The following XKR9 variants were observed in gnomAD, a reference collection of about 807,000 sequenced individuals.
The protein encoded by XKR9 is XK related 9.
In XKR9, 32 loss-of-function variants were observed where a neutral mutation model predicts 32.0. The observed-to-expected ratio is 1.00, with a 90% confidence interval of 0.76 to 1.34. The LOEUF (loss-of-function observed/expected upper bound fraction) is 1.34, where lower values mean the gene tolerates loss of function less well. Ranked by LOEUF, XKR9 falls within the 40% of genes most tolerant of loss-of-function variation. The pLI, the probability that XKR9 is intolerant of heterozygous loss-of-function variation, is 0.00. For missense variants in XKR9, 546 were observed against 429.7 expected (o/e 1.27, Z -2.39); for synonymous variants, 168 against 143.4 (o/e 1.17, Z -1.22).
the XKR9 span, among the ~76,000 whole-genome samples, chr8:70,927,835 A>G: frequency 1.3e-5 from 2 of 152,148 alleles, no homozygotes; most frequent in Non-Finnish European, 2.9e-5. Context: ...CTGATTGCCT[A>G]TGATGATGTT....
At chr8:71,051,288 T>A in the XKR9 span, among the ~76,000 whole-genome samples, 1 of 152,230 alleles carries the variant, frequency 6.6e-6, no homozygotes, top group East Asian at 1.9e-4. Flanking sequence ...GATATGTTTT[T>A]GTTTCATTAA....
At chr8:70,995,958 C>A in the XKR9 span, among the ~76,000 whole-genome samples, 1 of 152,148 alleles carries the variant, frequency 6.6e-6, no homozygotes, top group Admixed American at 6.5e-5. Context: ...AGTATACATC[C>A]ATGTTGTGTG....
chr8:70,710,704 AAAC>A (rs3085684), intron 4 of XKR9, among the ~76,000 whole-genome samples: 49,792 of 138,352 alleles, frequency 0.36, 9,310 homozygotes, highest in Non-Finnish European at 0.47. Flanking sequence ...ACTCCATCTC[AAAC>A]AACAACAACA....
chr8:71,028,680 T>C, the XKR9 span, among the ~76,000 whole-genome samples: 1 of 152,208 alleles, frequency 6.6e-6, no homozygotes, highest in Non-Finnish European at 1.5e-5. Context: ...TATTTAATCA[T>C]TTCATATTGT....
chr8:71,033,171 A>C, the XKR9 span, among the ~76,000 whole-genome samples: 8 of 152,300 alleles, frequency 5.3e-5, no homozygotes, highest in South Asian at 1.5e-3. Context: ...ACTCTCAGAA[A>C]TCCTTACAAA....
chr8:71,053,673 C>A, the XKR9 span, among the ~76,000 whole-genome samples: 3 of 152,272 alleles, frequency 2.0e-5, no homozygotes, highest in South Asian at 6.2e-4. Context: ...TTTAGCTTTC[C>A]TTGAAACCAG....
the XKR9 span, among the ~76,000 whole-genome samples, chr8:71,059,776 C>T: frequency 6.6e-6 from 1 of 152,154 alleles, no homozygotes; most frequent in Non-Finnish European, 1.5e-5. Context: ...TACCCTGTAC[C>T]CTTTTACCTG....
chr8:71,051,335 C>A, the XKR9 span, among the ~76,000 whole-genome samples: 3 of 152,240 alleles, frequency 2.0e-5, no homozygotes, highest in South Asian at 2.1e-4. Flanking sequence ...TCATCTGACT[C>A]CTTTCCATCA....
Position 70,733,850 on chromosome 8 carries a change from A to T in XKR9, c.548A>T (p.Gln183Leu), listed in dbSNP as rs1806757133. The change falls in exon 5 of 5, where the codon CAA becomes CTA. Residue 183 changes from glutamine (Q) to leucine (L), a missense_variant. Transcript: ENST00000408926. Reference sequence around the variant, plus strand: ...ATTTCTTGGTCAACTGTTGATTATCAAGTAGCTTTAAGAAAATCCTTGCCT... The same window carrying T: ...ATTTCTTGGTCAACTGTTGATTATCTAGTAGCTTTAAGAAAATCCTTGCCT... ...CAISWSTVDY[Q>L]VALRKSLPDK... The T allele has an allele frequency of 1.2e-6, 2 of 1,605,592 alleles. No homozygotes were observed. The highest frequency in any genetic ancestry group is 1.3e-5 in the African/African-American group (1 of 74,602).
chr8:70,758,416 C>T (rs1242134980), intron 2 of XKR9, among the ~76,000 whole-genome samples: 2 of 152,140 alleles, frequency 1.3e-5, no homozygotes, highest in African/African-American at 4.8e-5. Context: ...GTTCTTTGGA[C>T]AGAAAAGTTT....
At chr8:70,760,270 A>C (rs1401943052) in intron 2 of XKR9, among the ~76,000 whole-genome samples, 1 of 152,228 alleles carries the variant, frequency 6.6e-6, no homozygotes, top group African/African-American at 2.4e-5. Context: ...GCTACTGATA[A>C]GGGAATTGTA....
chr8:71,032,906 G>A, the XKR9 span, among the ~76,000 whole-genome samples: 7 of 152,182 alleles, frequency 4.6e-5, no homozygotes, highest in East Asian at 3.9e-4. Context: ...CCAACATGGC[G>A]AAACCCCGTC....
At chr8:70,723,865 C>T (rs1182387671) in intron 4 of XKR9, among the ~76,000 whole-genome samples, 1 of 150,666 alleles carries the variant, frequency 6.6e-6, no homozygotes, top group Non-Finnish European at 1.5e-5. Context: ...CCACTGCTCT[C>T]TTCAGAGCCA....
the XKR9 span, among the ~76,000 whole-genome samples, chr8:70,853,910 C>T: frequency 6.6e-6 from 1 of 152,144 alleles, no homozygotes; most frequent in Non-Finnish European, 1.5e-5. Flanking sequence ...GCCACATTTT[C>T]TTAATCCAGT....
At chr8:70,917,964 T>C in the XKR9 span, among the ~76,000 whole-genome samples, 1 of 152,336 alleles carries the variant, frequency 6.6e-6, no homozygotes, top group African/African-American at 2.4e-5. Flanking sequence ...TCATAAGTAC[T>C]CTTAAGTGTT....
chr8:71,051,528 G>GGT, the XKR9 span, among the ~76,000 whole-genome samples: 71 of 40,298 alleles, frequency 1.8e-3, 1 homozygote, highest in Middle Eastern at 0.016. Context: ...GTGGTGGTGG[G>GGT]GTGTGTGTGT....
At chr8:70,685,776 C>T (rs200336188) in intron 3 of XKR9, among the ~76,000 whole-genome samples, 1 of 142,688 alleles carries the variant, frequency 7.0e-6, no homozygotes. Context: ...GGAGATATAC[C>T]TAATGCTAAA....
the XKR9 span, among the ~76,000 whole-genome samples, chr8:70,936,558 T>C: frequency 6.6e-6 from 1 of 152,102 alleles, no homozygotes; most frequent in East Asian, 1.9e-4. Flanking sequence ...ACAGTGTAAT[T>C]GTCTACCTGT....
At chr8:70,894,016 G>T in the XKR9 span, among the ~76,000 whole-genome samples, 17 of 152,110 alleles carry the variant, frequency 1.1e-4, no homozygotes, top group South Asian at 3.3e-3. Context: ...GTTGGTTGTA[G>T]CTGTTATTAT....
Sources: allele counts gnomAD v4.1 joint callset (sites outside exome capture counted in the v4.1 genomes callset), GRCh38; gene constraint gnomAD v4.1.1; transcripts MANE v1.5; gene names NCBI Gene and HGNC (gene_info 2026-07-23, HGNC 2026-07-21).